Variants in SNX29 observed in about 807,000 individuals in gnomAD.
SNX29 encodes sorting nexin 29, also known as sorting nexin-29.
In SNX29, 78 loss-of-function variants were observed where a neutral mutation model predicts 102.1. The observed-to-expected ratio is 0.76, with a 90% CI of 0.64 to 0.92. The LOEUF is 0.92. Ranked by LOEUF, SNX29 falls within the 40% of genes least tolerant of loss-of-function variation. The pLI, the probability that SNX29 is intolerant of heterozygous loss-of-function variation, is 0.00. For synonymous variants in SNX29, 580 were observed against 414.5 expected, an observed-to-expected ratio of 1.40 and a Z score of -4.85; for missense variants, 1,280 against 1,061.7, an observed-to-expected ratio of 1.21 and a Z score of -2.86.
intron 15 of SNX29, among the ~76,000 whole-genome samples, chr16:12,344,664 A>C (rs375115000): frequency 2.4e-4 from 36 of 152,268 alleles, no homozygotes; most frequent in African/African-American, 8.2e-4. Flanking sequence ...TCTGGCGTCC[A>C]ATACATGCTC....
At chr16:12,182,189 GTTTTTTTTTTTT>G (rs67550670) in intron 13 of SNX29, among the ~76,000 whole-genome samples, 1 of 122,052 alleles carries the variant, frequency 8.2e-6, no homozygotes, top group Non-Finnish European at 1.7e-5. Context: ...GCCCGGCCTA[GTTTTTTTTTTTT>G]TTTTTTTTTA....
At chr16:12,295,770 CTT>C (rs34643631) in intron 15 of SNX29, among the ~76,000 whole-genome samples, 2 of 146,096 alleles carry the variant, frequency 1.4e-5, no homozygotes, top group Admixed American at 6.8e-5. Flanking sequence ...AAATTGGGTT[CTT>C]TTTTTTTTTC....
intron 13 of SNX29, among the ~76,000 whole-genome samples, chr16:12,177,410 G>A (rs2076284487): frequency 6.6e-6 from 1 of 152,138 alleles, no homozygotes; most frequent in South Asian, 2.1e-4. Flanking sequence ...TGATTTTTAT[G>A]GCTCCATTTT....
At chr16:12,331,430 G>A (rs1266040678) in intron 15 of SNX29, among the ~76,000 whole-genome samples, 3 of 152,174 alleles carry the variant, frequency 2.0e-5, no homozygotes, top group African/African-American at 4.8e-5. Context: ...CATAGCGTAC[G>A]TATAGGTGCT....
chr16:12,033,760 C>G (rs1280335542), intron 4 of SNX29, among the ~76,000 whole-genome samples: 1 of 152,072 alleles, frequency 6.6e-6, no homozygotes, highest in African/African-American at 2.4e-5. Context: ...GTGCACATCA[C>G]CATGCCTGGT....
At chr16:12,442,858 C>T in intron 18 of SNX29, 1 of 374,436 alleles carries the variant, frequency 2.7e-6, no homozygotes, top group Non-Finnish European at 5.3e-6. Flanking sequence ...CCTCACAAGT[C>T]CTGGGATTTT....
intron 11 of SNX29, among the ~76,000 whole-genome samples, chr16:12,092,005 G>C (rs961478180): frequency 6.6e-6 from 1 of 152,056 alleles, no homozygotes. Flanking sequence ...AGCCCTACTC[G>C]GCGGAGGTGC....
chr16:12,085,761 G>A (rs1214513405), intron 11 of SNX29, among the ~76,000 whole-genome samples: 1 of 152,214 alleles, frequency 6.6e-6, no homozygotes, highest in Non-Finnish European at 1.5e-5. Flanking sequence ...GTATGGTGCT[G>A]AAGCATTTTT....
chr16:12,493,502 C>G (rs1474778027), intron 19 of SNX29, among the ~76,000 whole-genome samples: 1 of 152,198 alleles, frequency 6.6e-6, no homozygotes. Context: ...TTGACTTCTT[C>G]TTTTCCTAAT....
At chr16:12,104,262 T>A (rs1339336914) in intron 11 of SNX29, among the ~76,000 whole-genome samples, 5 of 152,048 alleles carry the variant, frequency 3.3e-5, no homozygotes, top group Non-Finnish European at 5.9e-5. Context: ...TCAGCGCTTT[T>A]AAAAAACTTG....
At position 12,022,789 on chromosome 16, in the gene SNX29, G is replaced by A. The variant is rs186538596; in HGVS notation, c.123-4531G>A. 3.6e-3 allele frequency among the ~76,000 whole-genome samples: 543 copies of A among 151,882 alleles called. 4 individuals carry two copies. The highest frequency in any genetic ancestry group is 0.014 in the Middle Eastern group (4 of 294). ...CTGTCTGTATTTACCCTTCTTAGCC[G>A]TTTCATGGAATCATACAGTGTGTGG... is the stretch of plus-strand genomic sequence containing the variant. On this transcript the variant is annotated intron_variant, in intron 3 of 20. Coordinates refer to ENST00000566228, the MANE Select transcript of SNX29 (RefSeq NM_032167.5).
At chr16:12,028,256 G>A (rs544073373) in intron 4 of SNX29, among the ~76,000 whole-genome samples, 6 of 152,216 alleles carry the variant, frequency 3.9e-5, no homozygotes, top group African/African-American at 1.4e-4. Context: ...ATTTGGTGGC[G>A]GTGTGTGGAA....
In SNX29 at chr16:12,180,632, C is replaced by T. The variant is rs142315515; in HGVS notation, c.1596-18969C>T. On this transcript the variant is annotated intron_variant, in intron 13 of 20. Coordinates refer to ENST00000566228, the MANE Select transcript of SNX29 (RefSeq NM_032167.5). ...CCGAGTAGCTGGGACTACAGGCGCC[C>T]GCCACCACGTCCGGCTAATTTTTTA... Among the ~76,000 whole-genome samples the T allele has an allele frequency of 1.3e-3, 201 of 152,178 alleles. 1 individual carries two copies. The highest frequency in any genetic ancestry group is 5.7e-4 in the Non-Finnish European group (39 of 68,012).
chr16:12,478,617 G>A (rs8047065), intron 19 of SNX29, among the ~76,000 whole-genome samples: 4 of 152,104 alleles, frequency 2.6e-5, no homozygotes, highest in Non-Finnish European at 5.9e-5. Context: ...GGAGAAGACA[G>A]ACCTGGGTCT....
intron 18 of SNX29, among the ~76,000 whole-genome samples, chr16:12,406,014 A>G (rs1308597085): frequency 6.6e-6 from 1 of 152,104 alleles, no homozygotes; most frequent in Middle Eastern, 3.2e-3. Flanking sequence ...ACTGGGTGAC[A>G]AGAATGAGAC....
At chr16:12,255,997 A>G (rs1467554336) in intron 14 of SNX29, among the ~76,000 whole-genome samples, 1 of 152,174 alleles carries the variant, frequency 6.6e-6, no homozygotes, top group East Asian at 1.9e-4. Context: ...TCCTACCCAC[A>G]GTGTACAAGG....
intron 13 of SNX29, among the ~76,000 whole-genome samples, chr16:12,189,224 A>G (rs1372528128): frequency 6.6e-6 from 1 of 152,218 alleles, no homozygotes; most frequent in East Asian, 1.9e-4. Flanking sequence ...TAACATTGAC[A>G]CATTTCTGCT....
intron 3 of SNX29, among the ~76,000 whole-genome samples, chr16:12,023,413 A>C (rs866819259): frequency 9.8e-4 from 147 of 149,954 alleles, no homozygotes; most frequent in African/African-American, 3.5e-3. Flanking sequence ...GTCTCAAAAA[A>C]AAAAAAAAAA....
chr16:12,540,710 G>A lies in SNX29; in HGVS notation c.2318+15869G>A, dbSNP rs184464948. ...GTTGTAGAAGCTCACATATGAAGAC[G>A]CTCCAGGGATGAAGAGCTGGGCATC... On this transcript the variant is annotated intron_variant, in intron 20 of 20. Coordinates refer to ENST00000566228, the MANE Select transcript of SNX29 (RefSeq NM_032167.5). Among the ~76,000 whole-genome samples the A allele has an allele frequency of 3.1e-3, 467 of 152,294 alleles. 2 individuals carry two copies. The highest frequency in any genetic ancestry group is 8.3e-3 in the African/African-American group (344 of 41,566).
Sources: gnomAD v4.1 joint callset for allele counts (sites outside exome capture counted in the v4.1 genomes callset) on GRCh38, gnomAD v4.1.1 for gene constraint, MANE v1.5 for transcripts, NCBI Gene and HGNC (gene_info 2026-07-23, HGNC 2026-07-21) for gene names.